The following RBMS3 variants were observed in gnomAD, a reference collection of about 807,000 sequenced individuals.
RBMS3 encodes the protein RNA binding motif single stranded interacting protein 3, also known as RNA-binding motif, single-stranded-interacting protein 3.
In RBMS3, 27 loss-of-function variants were observed where a neutral mutation model predicts 66.8. The observed-to-expected ratio is 0.40, with a 90% CI of 0.30 to 0.56. The LOEUF (loss-of-function observed/expected upper bound fraction) is 0.56. Among genes scored for constraint, RBMS3 ranks in the 20% least tolerant of loss-of-function variants. The probability of loss-of-function intolerance (pLI) is 0.40; values close to 1 mark genes in which losing one functional copy is unlikely to be tolerated. For synonymous variants in RBMS3, 188 were observed against 183.0 expected, an observed-to-expected ratio of 1.03 and a Z score of -0.22; for missense variants, 513 against 549.5, an observed-to-expected ratio of 0.93 and a Z score of 0.66.
chr3:29,799,835 A>G (rs754754059), intron 6 of RBMS3, among the ~76,000 whole-genome samples: 2 of 152,136 alleles, frequency 1.3e-5, no homozygotes, highest in Non-Finnish European at 2.9e-5. Flanking sequence ...TCCTCCTACA[A>G]TGATGGTATA....
At chr3:29,835,538 G>C (rs906093218) in intron 6 of RBMS3, among the ~76,000 whole-genome samples, 2 of 151,526 alleles carry the variant, frequency 1.3e-5, no homozygotes, top group African/African-American at 4.8e-5. Context: ...AAACCAATGG[G>C]TCAAAAAAAT....
At chr3:29,672,298 G>A (rs531138460) in intron 4 of RBMS3, among the ~76,000 whole-genome samples, 199 of 152,292 alleles carry the variant, frequency 1.3e-3, no homozygotes, top group Non-Finnish European at 1.6e-3. Flanking sequence ...AGTAAACATG[G>A]AAAGGAATAA....
intron 4 of RBMS3, among the ~76,000 whole-genome samples, chr3:29,629,278 C>T (rs2049190691): frequency 6.6e-6 from 1 of 152,106 alleles, no homozygotes; most frequent in South Asian, 2.1e-4. Flanking sequence ...TCACATTTCT[C>T]TGCTATCTGC....
At chr3:29,680,666 A>G (rs992198733) in intron 4 of RBMS3, among the ~76,000 whole-genome samples, 1 of 152,194 alleles carries the variant, frequency 6.6e-6, no homozygotes, top group Non-Finnish European at 1.5e-5. Flanking sequence ...GTTTACAGTG[A>G]GCTCACTGCC....
chr3:29,424,049 G>A (rs952955142), intron 1 of RBMS3, among the ~76,000 whole-genome samples: 2 of 152,078 alleles, frequency 1.3e-5, no homozygotes, highest in African/African-American at 4.8e-5. Flanking sequence ...AATTGTGCCT[G>A]GAATATAATG....
chr3:29,931,186 A>C (rs1374865782), intron 10 of RBMS3, among the ~76,000 whole-genome samples: 1 of 152,200 alleles, frequency 6.6e-6, no homozygotes, highest in African/African-American at 2.4e-5. Context: ...TATAAAATTA[A>C]TTTACAAAAA....
chr3:29,455,825 A>C (rs1469237226), intron 2 of RBMS3, among the ~76,000 whole-genome samples: 2 of 152,108 alleles, frequency 1.3e-5, no homozygotes. Context: ...AATCACAAAA[A>C]TGTGAAAAAC....
intron 1 of RBMS3, among the ~76,000 whole-genome samples, chr3:29,315,439 T>C (rs945287269): frequency 2.0e-5 from 3 of 151,992 alleles, no homozygotes. Context: ...CATACATGCA[T>C]TCATGTACAC....
At chr3:29,932,535 GGGGTGGCACTGACC>G (rs1227124058) in intron 10 of RBMS3, among the ~76,000 whole-genome samples, 1 of 152,106 alleles carries the variant, frequency 6.6e-6, no homozygotes, top group African/African-American at 2.4e-5. Flanking sequence ...AACCATAGTT[GGGGTGGCACTGACC>G]TAGAATACTA....
At chr3:29,763,094 G>A (rs1460085212) in intron 6 of RBMS3, 105 bp downstream of exon 6, 1 of 717,274 alleles carries the variant, frequency 1.4e-6, no homozygotes, top group Admixed American at 3.4e-5. Context: ...GAGTTGGGGG[G>A]TTTGCTTTTC....
chr3:29,910,273 T>A (rs1215849367), intron 10 of RBMS3, among the ~76,000 whole-genome samples: 1 of 152,026 alleles, frequency 6.6e-6, no homozygotes, highest in Non-Finnish European at 1.5e-5. Flanking sequence ...TTTATAAATG[T>A]TACCAGGGTA....
intron 1 of RBMS3, among the ~76,000 whole-genome samples, chr3:29,384,241 G>T (rs1415603703): frequency 6.6e-6 from 1 of 152,000 alleles, no homozygotes; most frequent in Non-Finnish European, 1.5e-5. Flanking sequence ...TCTTGAACCC[G>T]GGAGGTTGAG....
At chr3:29,868,386 A>AATTTTTTAAAAGCTAATTTG (rs1232422377) in intron 6 of RBMS3, among the ~76,000 whole-genome samples, 1 of 152,164 alleles carries the variant, frequency 6.6e-6, no homozygotes, top group Non-Finnish European at 1.5e-5. Flanking sequence ...ACAGGGGACT[A>AATTTTTTAAAAGCTAATTTG]ATTTTTTAAA....
chr3:29,869,157 A>T (rs554645299), intron 7 of RBMS3, among the ~76,000 whole-genome samples, 193 bp downstream of exon 7: 1 of 152,182 alleles, frequency 6.6e-6, no homozygotes, highest in Non-Finnish European at 1.5e-5. Flanking sequence ...TTTCAAATTT[A>T]ACCTCAGTTC....
chr3:29,743,452 C>T (rs2054729278), intron 5 of RBMS3, among the ~76,000 whole-genome samples: 1 of 152,154 alleles, frequency 6.6e-6, no homozygotes, highest in African/African-American at 2.4e-5. Context: ...GTTCCCAGAT[C>T]AGCAGCTTCA....
intron 6 of RBMS3, among the ~76,000 whole-genome samples, chr3:29,847,973 T>C (rs1358102843): frequency 6.6e-6 from 1 of 152,172 alleles, no homozygotes; most frequent in Non-Finnish European, 1.5e-5. Context: ...TGTGAACCTA[T>C]ACAAGGGGAT....
At chr3:29,481,296 A>T (rs903981619) in intron 2 of RBMS3, among the ~76,000 whole-genome samples, 1 of 152,208 alleles carries the variant, frequency 6.6e-6, no homozygotes, top group Non-Finnish European at 1.5e-5. Context: ...AGAGACCTTT[A>T]AAACCTCCAA....
At chr3:29,411,493 A>AT (rs2040264245) in intron 1 of RBMS3, among the ~76,000 whole-genome samples, 1 of 152,070 alleles carries the variant, frequency 6.6e-6, no homozygotes, top group African/African-American at 2.4e-5. Context: ...CCTGTTTTCC[A>AT]TTTTTCAGGA....
chr3:29,757,848 C>A (rs1207057023), intron 5 of RBMS3, among the ~76,000 whole-genome samples: 1 of 152,180 alleles, frequency 6.6e-6, no homozygotes, highest in Non-Finnish European at 1.5e-5. Context: ...AAACTCCAGA[C>A]TCTATTTGGA....
Sources: gnomAD v4.1 joint callset for allele counts (sites outside exome capture counted in the v4.1 genomes callset) on GRCh38, gnomAD v4.1.1 for gene constraint, MANE v1.5 for transcripts, NCBI Gene and HGNC (gene_info 2026-07-23, HGNC 2026-07-21) for gene names.